Variants in COL4A2 observed in about 807,000 individuals in gnomAD.
COL4A2 encodes collagen alpha-2(IV) chain.
COL4A2 carries 99 observed loss-of-function variants against 200.2 expected under a neutral mutation model. The ratio of observed to expected loss-of-function variants is 0.49; its 90% CI spans 0.42 to 0.58. The LOEUF (loss-of-function observed/expected upper bound fraction) is 0.58. Ranked by LOEUF, COL4A2 falls within the 20% of genes least tolerant of loss-of-function variation. The pLI is 0.00. For missense variants in COL4A2, 1,950 were observed against 2,314.1 expected (o/e 0.84, Z 3.23); for synonymous variants, 897 against 900.6 (o/e 1.00, Z 0.07).
At chr13:110,456,695 C>G (rs1465205286) in intron 20 of COL4A2, 4 of 464,208 alleles carry the variant, frequency 8.6e-6, no homozygotes, top group Admixed American at 4.8e-5. Flanking sequence ...CCACCCTGGG[C>G]TGGGTGGGAC....
chr13:110,466,086 T>G (rs1566549960), intron 26 of COL4A2, 24 bp downstream of exon 26: 1 of 1,609,226 alleles, frequency 6.2e-7, no homozygotes. Flanking sequence ...TGCAGGTGGC[T>G]TTAGGACACT....
chr13:110,366,302 C>A (rs1378024944), intron 4 of COL4A2, among the ~76,000 whole-genome samples: 1 of 152,204 alleles, frequency 6.6e-6, no homozygotes, highest in Non-Finnish European at 1.5e-5. Context: ...TTCCCTCATG[C>A]AGCAGGAAGA....
At chr13:110,432,401 C>T (rs1880716537) in intron 11 of COL4A2, 41 bp downstream of exon 11, 1 of 1,569,070 alleles carries the variant, frequency 6.4e-7, no homozygotes, top group Non-Finnish European at 8.6e-7. Context: ...GAAGGGGGTA[C>T]TTAGGTGTTT....
At chr13:110,373,594 T>C (rs571518443) in intron 4 of COL4A2, among the ~76,000 whole-genome samples, 1 of 152,212 alleles carries the variant, frequency 6.6e-6, no homozygotes, top group Non-Finnish European at 1.5e-5. Flanking sequence ...CACTCAGGGG[T>C]GTCTCCTGTG....
At chr13:110,440,213 C>G (rs1267570370) in intron 16 of COL4A2, among the ~76,000 whole-genome samples, 1 of 152,182 alleles carries the variant, frequency 6.6e-6, no homozygotes, top group Non-Finnish European at 1.5e-5. Flanking sequence ...TGTGACACTT[C>G]ATTTATGTTT....
chr13:110,369,319 C>T (rs1026375388), intron 4 of COL4A2, among the ~76,000 whole-genome samples: 4 of 152,124 alleles, frequency 2.6e-5, no homozygotes, highest in African/African-American at 9.7e-5. Flanking sequence ...AAATCAGAAC[C>T]CTTTTGAGCA....
chr13:110,372,204 G>A (rs1355352178), intron 4 of COL4A2, among the ~76,000 whole-genome samples: 1 of 152,178 alleles, frequency 6.6e-6, no homozygotes, highest in Non-Finnish European at 1.5e-5. Context: ...CACTGTTGAG[G>A]TGGTTCCTTG....
chr13:110,470,170 C>T (rs1352313739), intron 28 of COL4A2, among the ~76,000 whole-genome samples: 6 of 152,176 alleles, frequency 3.9e-5, no homozygotes, highest in Admixed American at 1.3e-4. Context: ...CCCGCCTCAG[C>T]CTGCCAAAGT....
chr13:110,445,984 A>G (rs1881305809), intron 17 of COL4A2, 102 bp downstream of exon 17: 1 of 1,280,500 alleles, frequency 7.8e-7, no homozygotes, highest in Non-Finnish European at 1.1e-6. Context: ...CCCCTGCCCT[A>G]AAAAGTACAA....
chr13:110,333,301 C>T (rs148222151), intron 3 of COL4A2, among the ~76,000 whole-genome samples: 150 of 152,344 alleles, frequency 9.8e-4, no homozygotes, highest in Middle Eastern at 3.4e-3. Context: ...CTTCCACCTT[C>T]CTATTCTTGG....
At chr13:110,357,693 T>G in intron 4 of COL4A2, 141 bp downstream of exon 4, 1 of 1,283,040 alleles carries the variant, frequency 7.8e-7, no homozygotes, top group South Asian at 1.5e-5. Flanking sequence ...CACACAAACC[T>G]AGATGGCCGG....
In COL4A2 at chr13:110,432,331, C is replaced by T; in HGVS notation, c.655C>T (p.Pro219Ser). The change falls in exon 11 of 48, where the codon CCT becomes TCT. Residue 219 changes from proline to serine, a missense_variant. By Grantham distance (74) the Pro-to-Ser change is moderately conservative. Around this residue, in one of 2 missense-constraint regions of COL4A2, gnomAD observed 565 missense variants for 593.5 expected, o/e 0.95. Coordinates refer to ENST00000360467, the MANE Select transcript of COL4A2 (RefSeq NM_001846.4). ...PVGAPGRPGP[P>S]GPPGPKGQQG... ...TTTCTTTGTATTTGTACAGGGACCA[C>T]CTGGACCCCCTGGACCAAAAGGACA... The T allele has an allele frequency of 6.2e-7, 1 of 1,610,530 alleles. No individual in the cohort carries two copies. Among genetic ancestry groups the T allele is most frequent in the South Asian group, 1.1e-5 (1 of 90,418 alleles).
intron 4 of COL4A2, among the ~76,000 whole-genome samples, chr13:110,358,525 T>C (rs1307158167): frequency 2.0e-5 from 3 of 152,268 alleles, no homozygotes; most frequent in Non-Finnish European, 4.4e-5. Flanking sequence ...CAGTTGCTTG[T>C]CACCAAGTGT....
chr13:110,444,390 G>A (rs1247859091), intron 16 of COL4A2, among the ~76,000 whole-genome samples: 1 of 152,230 alleles, frequency 6.6e-6, no homozygotes, highest in African/African-American at 2.4e-5. Flanking sequence ...CCAGCTGCCA[G>A]CTCCTGTCAT....
chr13:110,384,028 A>G (rs1188810983), intron 4 of COL4A2, among the ~76,000 whole-genome samples: 1 of 152,208 alleles, frequency 6.6e-6, no homozygotes, highest in African/African-American at 2.4e-5. Context: ...GCAGGCGGTA[A>G]ATGGCATCTG....
intron 3 of COL4A2, among the ~76,000 whole-genome samples, chr13:110,349,022 T>C (rs1290625354): frequency 2.0e-5 from 3 of 152,100 alleles, no homozygotes; most frequent in African/African-American, 4.8e-5. Flanking sequence ...ATGACCAGCA[T>C]TTTTTTTCAT....
intron 3 of COL4A2, among the ~76,000 whole-genome samples, chr13:110,338,435 G>T (rs1035350536): frequency 4.5e-4 from 9 of 19,888 alleles, no homozygotes; most frequent in Non-Finnish European, 1.2e-3. Flanking sequence ...TGTTGTGTGT[G>T]GGGGGGGGTG....
chr13:110,387,459 G>A (rs566921546), intron 4 of COL4A2, among the ~76,000 whole-genome samples: 46 of 152,320 alleles, frequency 3.0e-4, no homozygotes, highest in Non-Finnish European at 5.1e-4. Context: ...GTGGCCAGAG[G>A]GATTCTGAAA....
chr13:110,354,540 C>G (rs1877106366), intron 3 of COL4A2, among the ~76,000 whole-genome samples: 1 of 151,918 alleles, frequency 6.6e-6, no homozygotes, highest in Admixed American at 6.5e-5. Context: ...TTACCTCACT[C>G]AAGACAAAAA....
Sources: gnomAD v4.1 joint callset for allele counts (sites outside exome capture counted in the v4.1 genomes callset) on GRCh38, gnomAD v4.1.1 for gene constraint, gnomAD v4.1.1 regional missense constraint, MANE v1.5 for transcripts, NCBI Gene and HGNC (gene_info 2026-07-23, HGNC 2026-07-21) for gene names.